MKX: variants seen among roughly 807,000 people sequenced by gnomAD.
The protein encoded by MKX is mohawk homeobox.
Under a neutral mutation model 36.0 loss-of-function variants are expected in MKX, and 13 were observed. That is an observed-to-expected ratio of 0.36 (90% CI 0.24 to 0.57). The LOEUF is 0.57. Ranked by LOEUF, MKX falls within the 20% of genes least tolerant of loss-of-function variation. The probability of loss-of-function intolerance (pLI) is 0.79; values close to 1 mark genes in which losing one functional copy is unlikely to be tolerated. For synonymous variants in MKX, 176 were observed against 178.3 expected, an observed-to-expected ratio of 0.99 and a Z score of 0.10; for missense variants, 458 against 456.4, an observed-to-expected ratio of 1.00 and a Z score of -0.03.
chr10:27,677,741 CAT>C (rs1457257479), intron 5 of MKX, among the ~76,000 whole-genome samples: 2 of 152,198 alleles, frequency 1.3e-5, no homozygotes, highest in Non-Finnish European at 2.9e-5. Flanking sequence ...GTGAAGAACA[CAT>C]GAGATCATGT....
At chr10:27,688,120 T>C (rs1237080399) in intron 5 of MKX, among the ~76,000 whole-genome samples, 1 of 152,064 alleles carries the variant, frequency 6.6e-6, no homozygotes, top group Non-Finnish European at 1.5e-5. Context: ...CCACACGAGT[T>C]CATATTTTAT....
chr10:27,680,888 A>G (rs1836242033), intron 5 of MKX, among the ~76,000 whole-genome samples: 2 of 152,238 alleles, frequency 1.3e-5, no homozygotes, highest in Admixed American at 6.5e-5. Flanking sequence ...GTGAGAAATC[A>G]TTACTGAAAT....
chr10:27,688,937 C>G (rs1475071668), intron 5 of MKX, among the ~76,000 whole-genome samples: 1 of 152,074 alleles, frequency 6.6e-6, no homozygotes, highest in East Asian at 1.9e-4. Context: ...CAAAAAAAGA[C>G]TTTTTAAATG....
intron 5 of MKX, among the ~76,000 whole-genome samples, chr10:27,698,185 G>C (rs1322706674): frequency 6.6e-6 from 1 of 152,194 alleles, no homozygotes; most frequent in Admixed American, 6.5e-5. Flanking sequence ...AGGGCAGCTG[G>C]AAAATGAACC....
chr10:27,684,116 C>T (rs1836301094), intron 5 of MKX, among the ~76,000 whole-genome samples: 1 of 152,106 alleles, frequency 6.6e-6, no homozygotes, highest in Non-Finnish European at 1.5e-5. Flanking sequence ...GAGTTTGAGA[C>T]CAGCCTGGGC....
chr10:27,700,629 C>T (rs942567053), intron 5 of MKX, among the ~76,000 whole-genome samples: 1 of 152,148 alleles, frequency 6.6e-6, no homozygotes, highest in Admixed American at 6.5e-5. Flanking sequence ...GATAGACATA[C>T]TTTCCTCTTT....
intron 5 of MKX, among the ~76,000 whole-genome samples, chr10:27,707,307 G>A (rs138299869): frequency 6.6e-5 from 10 of 152,256 alleles, no homozygotes; most frequent in African/African-American, 2.4e-4. Context: ...GTCTATAGGT[G>A]CATATAATCC....
chr10:27,743,580 G>C, intron 1 of MKX, 83 bp from the exon 2 acceptor site: 1 of 751,132 alleles, frequency 1.3e-6, no homozygotes, highest in Non-Finnish European at 2.0e-6. Flanking sequence ...ACTTGGCCGG[G>C]TCGCCGGGCT....
intron 5 of MKX, among the ~76,000 whole-genome samples, chr10:27,700,801 G>GA (rs1473571509): frequency 6.6e-6 from 1 of 152,086 alleles, no homozygotes. Context: ...TACTTAGCGA[G>GA]AAAAATCATC....
At chr10:27,721,468 C>T (rs1328679338) in intron 5 of MKX, among the ~76,000 whole-genome samples, 1 of 152,152 alleles carries the variant, frequency 6.6e-6, no homozygotes, top group Non-Finnish European at 1.5e-5. Flanking sequence ...CGATAATGTC[C>T]TTTGCAGGGA....
intron 5 of MKX, among the ~76,000 whole-genome samples, chr10:27,724,756 T>TACACACAC (rs55968845): frequency 0.021 from 2,986 of 141,448 alleles, 89 homozygotes; most frequent in East Asian, 0.086. Flanking sequence ...TACTACTACC[T>TACACACAC]ACACACACAC....
intron 5 of MKX, among the ~76,000 whole-genome samples, chr10:27,676,688 T>C (rs1410535600): frequency 6.6e-6 from 1 of 152,164 alleles, no homozygotes; most frequent in African/African-American, 2.4e-5. Context: ...TTATCAAACA[T>C]TTATTTCAGA....
intron 5 of MKX, among the ~76,000 whole-genome samples, chr10:27,684,454 G>T (rs922687916): frequency 2.0e-5 from 3 of 151,932 alleles, no homozygotes; most frequent in Non-Finnish European, 4.4e-5. Flanking sequence ...GAAAATAAGG[G>T]GCAATCAGGG....
intron 5 of MKX, among the ~76,000 whole-genome samples, chr10:27,718,213 GAAGAAGAAA>G (rs906327048): frequency 3.3e-5 from 5 of 152,018 alleles, no homozygotes; most frequent in Non-Finnish European, 5.9e-5. Context: ...CTAAGAAGAA[GAAGAAGAAA>G]AAGAAGAAAT....
intron 5 of MKX, among the ~76,000 whole-genome samples, chr10:27,711,504 TTCC>T (rs1836868970): frequency 4.5e-5 from 1 of 22,094 alleles, no homozygotes. Context: ...TCTTCTTTCC[TTCC>T]TTCCTTCCTT....
chr10:27,740,161 C>A (rs190971624), intron 3 of MKX, among the ~76,000 whole-genome samples: 2 of 152,234 alleles, frequency 1.3e-5, no homozygotes, highest in African/African-American at 4.8e-5. Context: ...AACTTTCATG[C>A]CTTGTCAAAC....
At position 27,744,698 on chromosome 10, in the gene MKX, A is replaced by G. The variant is rs1835008558; in HGVS notation, c.-83+1009T>C. ...GCATGGGCTGCTACTCCACTAACAC[A>G]CGCGCGCGCGCATACACACACACAC... On this transcript the variant is annotated intron_variant, in intron 1 of 6. Coordinates refer to ENST00000419761, the MANE Select transcript of MKX (RefSeq NM_173576.3). This position sits in a 1 kb window ranked among gnomAD's most constrained non-coding sequence, Gnocchi z 5.6. 6.8e-6 allele frequency: 1 copy of G among 146,352 alleles called. No homozygotes were observed. The allele number at this position is 146,352 out of a possible 1,614,324, so 9.1% of individuals were successfully genotyped here. A position where few individuals can be genotyped will look rare whatever the true frequency, so the allele number is the denominator to read the frequency against.
chr10:27,730,038 A>C (rs1280466961), intron 5 of MKX, among the ~76,000 whole-genome samples: 1 of 152,156 alleles, frequency 6.6e-6, no homozygotes, highest in African/African-American at 2.4e-5. Flanking sequence ...TCTGAAAATT[A>C]CCATTCGCTA....
chr10:27,713,540 A>G (rs1836909743), intron 5 of MKX, among the ~76,000 whole-genome samples: 1 of 152,088 alleles, frequency 6.6e-6, no homozygotes, highest in Non-Finnish European at 1.5e-5. Context: ...AGAGACTTAA[A>G]TTTTCTTTCT....
Sources: allele counts gnomAD v4.1 joint callset (sites outside exome capture counted in the v4.1 genomes callset), GRCh38; gene constraint gnomAD v4.1.1; non-coding constraint Gnocchi (gnomAD v3.1); transcripts MANE v1.5; gene names NCBI Gene and HGNC (gene_info 2026-07-23, HGNC 2026-07-21).